DNAH5: variants seen among roughly 807,000 people sequenced by gnomAD.
DNAH5 encodes the protein axonemal beta dynein heavy chain 5.
Under a neutral mutation model 518.2 loss-of-function variants are expected in DNAH5, and 372 were observed. The observed-to-expected ratio is 0.72, with a 90% confidence interval of 0.66 to 0.78. DNAH5 has a LOEUF of 0.78. DNAH5 is among the 30% of genes least tolerant of loss of function. The pLI, the probability that DNAH5 is intolerant of heterozygous loss-of-function variation, is 0.00. For missense variants in DNAH5, 5,523 were observed against 5,687.0 expected (o/e 0.97, Z 0.93); for synonymous variants, 2,039 against 2,025.9 (o/e 1.01, Z -0.17).
intron 52 of DNAH5, among the ~76,000 whole-genome samples, chr5:13,782,741 C>T (rs751139818): frequency 2.0e-5 from 3 of 152,202 alleles, no homozygotes; most frequent in Non-Finnish European, 2.9e-5. Context: ...TACATTAAAA[C>T]ACATGGTAAA....
chr5:13,821,519 T>C (rs909576051), intron 40 of DNAH5, among the ~76,000 whole-genome samples: 4 of 152,208 alleles, frequency 2.6e-5, no homozygotes, highest in Non-Finnish European at 5.9e-5. Context: ...GATAAGGAAC[T>C]TGAAGCAGAG....
chr5:13,764,610 A>G (rs1310820189), intron 59 of DNAH5, among the ~76,000 whole-genome samples: 1 of 152,230 alleles, frequency 6.6e-6, no homozygotes, highest in Non-Finnish European at 1.5e-5. Flanking sequence ...ATATATAGAT[A>G]CATCAGTTTT....
At chr5:13,821,482 G>T (rs186999010) in intron 40 of DNAH5, among the ~76,000 whole-genome samples, 7 of 152,172 alleles carry the variant, frequency 4.6e-5, no homozygotes, top group Non-Finnish European at 5.9e-5. Flanking sequence ...ATGATGGAAG[G>T]GATGCTATTA....
chr5:13,805,529 T>C (rs1759454498), intron 47 of DNAH5, among the ~76,000 whole-genome samples: 1 of 151,800 alleles, frequency 6.6e-6, no homozygotes, highest in Admixed American at 6.6e-5. Context: ...TCTCGTCCTA[T>C]GGCCAATGAT....
At chr5:13,705,116 C>T (rs1742607229) in intron 76 of DNAH5, among the ~76,000 whole-genome samples, 1 of 151,946 alleles carries the variant, frequency 6.6e-6, no homozygotes, top group Non-Finnish European at 1.5e-5. Flanking sequence ...CACAGCCTCC[C>T]GAGTAGCTGG....
chr5:13,855,530 C>T (rs1345548053), intron 30 of DNAH5, among the ~76,000 whole-genome samples: 1 of 152,082 alleles, frequency 6.6e-6, no homozygotes, highest in African/African-American at 2.4e-5. Flanking sequence ...TTTTAATGCC[C>T]ATACTCTTCA....
chr5:13,876,580 T>C, intron 22 of DNAH5, 104 bp downstream of exon 22: 2 of 1,354,736 alleles, frequency 1.5e-6, no homozygotes, highest in Admixed American at 2.1e-5. Context: ...GAAAGCACAG[T>C]GTGTGAGACC....
rs1757355848 is a variant in DNAH5, at chr5:13,793,610, C to T, written c.8129G>A (p.Gly2710Asp). The change falls in exon 49 of 79, where the codon GGT becomes GAT. Residue 2710 changes from glycine to aspartate, a missense_variant. By Grantham distance (94) the Gly-to-Asp change is moderately conservative. Coordinates refer to ENST00000265104, the MANE Select transcript of DNAH5 (RefSeq NM_001369.3). ...TTGGGGTATGTCATTGCGTCCACCA[C>T]CAGGATGGATCATGGCTGCCAAAAA... ...IQFLAAMIHP[G>D]GGRNDIPQRL... is the part of the protein sequence containing the mutation. 1 of 1,613,988 alleles carries T rather than the reference C, an allele frequency of 6.2e-7. No individual in the cohort carries two copies. The highest frequency in any genetic ancestry group is 1.3e-5 in the African/African-American group (1 of 74,904).
In DNAH5 at chr5:13,769,862, G is replaced by A. The variant is rs185663158; in HGVS notation, c.9606-247C>T. Among the ~76,000 whole-genome samples the A allele has an allele frequency of 2.7e-4, 41 of 152,312 alleles. No individual in the cohort carries two copies. The East Asian group carries it at 4.2e-3, about 16-fold the overall frequency. ...GCTAGAACACACGACATGAAATTAGGAACGACAGTAAGGCTAGAATCTGTA... is the reference window on the plus strand; with the variant it reads ...GCTAGAACACACGACATGAAATTAGAAACGACAGTAAGGCTAGAATCTGTA... On this transcript the variant is annotated intron_variant, in intron 56 of 78. Coordinates refer to ENST00000265104, the MANE Select transcript of DNAH5 (RefSeq NM_001369.3).
Position 13,891,101 on chromosome 5 carries a change from C to G in DNAH5, c.2452G>C (p.Asp818His). The change falls in exon 17 of 79, where the codon GAC becomes CAC. Residue 818 changes from aspartate (D) to histidine (H), a missense_variant. By Grantham distance (81) the Asp-to-His change is moderately conservative. Transcript: ENST00000265104. ...AACTCAATCAAATCATTGACCCTGT[C>G]AAGCAGCAACTCCAGGTCCTCTTTG... ...AKIKDLELLL[D>H]RVNDLIEFRI... 6.2e-7 allele frequency: 1 copy of G among 1,614,052 alleles called. No homozygotes were observed. The highest frequency in any genetic ancestry group is 1.1e-5 in the South Asian group (1 of 91,060).
At chr5:13,853,645 T>A (rs1044124069) in intron 30 of DNAH5, among the ~76,000 whole-genome samples, 91 of 151,966 alleles carry the variant, frequency 6.0e-4, no homozygotes, top group African/African-American at 2.1e-3. Context: ...GAGAAATTGC[T>A]AACTAGAATA....
chr5:13,919,040 G>T, intron 7 of DNAH5, 136 bp downstream of exon 7: 2 of 1,087,080 alleles, frequency 1.8e-6, no homozygotes, highest in Non-Finnish European at 2.7e-6. Flanking sequence ...TGATGTGAGG[G>T]AAGTATTATG....
At chr5:13,805,357 G>T (rs1008634811) in intron 47 of DNAH5, among the ~76,000 whole-genome samples, 1 of 152,092 alleles carries the variant, frequency 6.6e-6, no homozygotes, top group African/African-American at 2.4e-5. Context: ...AATTAGCGGG[G>T]TGTGGTAGCC....
chr5:13,825,885 G>A (rs1179105318), intron 38 of DNAH5, among the ~76,000 whole-genome samples: 1 of 152,170 alleles, frequency 6.6e-6, no homozygotes, highest in Non-Finnish European at 1.5e-5. Context: ...CAAAAAAAAT[G>A]TATAGGAAAA....
intron 24 of DNAH5, among the ~76,000 whole-genome samples, chr5:13,868,955 G>A (rs1769683038): frequency 6.6e-6 from 1 of 152,208 alleles, no homozygotes; most frequent in Non-Finnish European, 1.5e-5. Flanking sequence ...GCATAAAGGT[G>A]ATGTTTTGAT....
At chr5:14,005,334 C>A (rs1305400899) in intron 1 of DNAH5, among the ~76,000 whole-genome samples, 2 of 152,202 alleles carry the variant, frequency 1.3e-5, no homozygotes, top group African/African-American at 4.8e-5. Flanking sequence ...TTAACATAAT[C>A]ATTGAAATGG....
chr5:13,722,556 G>A (rs867496065), intron 70 of DNAH5, among the ~76,000 whole-genome samples: 1 of 152,262 alleles, frequency 6.6e-6, no homozygotes, highest in South Asian at 2.1e-4. Flanking sequence ...GACTGGCTTG[G>A]TCCTACTTTC....
At chr5:13,730,714 T>G (rs949888540) in intron 68 of DNAH5, among the ~76,000 whole-genome samples, 3 of 151,684 alleles carry the variant, frequency 2.0e-5, no homozygotes, top group Non-Finnish European at 2.9e-5. Context: ...TATTTTTTTT[T>G]TTTTTTGAGA....
intron 35 of DNAH5, among the ~76,000 whole-genome samples, chr5:13,835,893 A>G (rs1399512818): frequency 1.3e-5 from 2 of 152,146 alleles, no homozygotes; most frequent in Non-Finnish European, 2.9e-5. Flanking sequence ...CTGTTCCTCC[A>G]GTCATCGGAG....
Sources: allele counts gnomAD v4.1 joint callset (sites outside exome capture counted in the v4.1 genomes callset), GRCh38; gene constraint gnomAD v4.1.1; transcripts MANE v1.5; gene names NCBI Gene and HGNC (gene_info 2026-07-23, HGNC 2026-07-21).